CWC27: variants seen among roughly 807,000 people sequenced by gnomAD.
CWC27 encodes the protein spliceosome-associated protein CWC27 homolog.
CWC27 carries 47 observed loss-of-function variants against 63.6 expected under a neutral mutation model. The ratio of observed to expected loss-of-function variants is 0.74; its 90% CI spans 0.58 to 0.94. The LOEUF (loss-of-function observed/expected upper bound fraction) is 0.94, where lower values mean the gene tolerates loss of function less well. Among genes scored for constraint, CWC27 ranks in the 40% least tolerant of loss-of-function variants. The pLI is 0.00. For synonymous variants in CWC27, 175 were observed against 179.8 expected (o/e 0.97, Z 0.22); for missense variants, 495 against 554.3 (o/e 0.89, Z 1.07).
intron 11 of CWC27, among the ~76,000 whole-genome samples, chr5:64,951,035 T>G (rs938960253): frequency 6.6e-6 from 1 of 151,974 alleles, no homozygotes; most frequent in African/African-American, 2.4e-5. Context: ...AATACTTATG[T>G]TACTTTTGTT....
At chr5:64,986,907 C>T (rs996368819) in intron 13 of CWC27, among the ~76,000 whole-genome samples, 1 of 152,038 alleles carries the variant, frequency 6.6e-6, no homozygotes, top group Non-Finnish European at 1.5e-5. Context: ...TGTAATACAT[C>T]TAAAAAAAAT....
intron 11 of CWC27, among the ~76,000 whole-genome samples, chr5:64,914,753 T>G (rs62370963): frequency 0.17 from 25,337 of 152,082 alleles, 2,429 homozygotes; most frequent in East Asian, 0.4. Context: ...TCACTGATTC[T>G]ACCGTTACAT....
intron 13 of CWC27, among the ~76,000 whole-genome samples, chr5:65,009,234 G>A (rs1749902862): frequency 6.6e-6 from 1 of 152,070 alleles, no homozygotes; most frequent in Non-Finnish European, 1.5e-5. Context: ...CTAATAGAGT[G>A]AGAGCTCATT....
At chr5:64,907,766 T>A (rs999727146) in intron 11 of CWC27, among the ~76,000 whole-genome samples, 1 of 152,158 alleles carries the variant, frequency 6.6e-6, no homozygotes, top group African/African-American at 2.4e-5. Flanking sequence ...ATGCTTCCAG[T>A]TTTTGCCCAT....
chr5:64,930,949 A>G (rs1483357644), intron 11 of CWC27, among the ~76,000 whole-genome samples: 1 of 152,134 alleles, frequency 6.6e-6, no homozygotes, highest in Non-Finnish European at 1.5e-5. Context: ...TGTATTCTTC[A>G]ATAATGTCCA....
At chr5:64,998,222 A>G (rs891576218) in intron 13 of CWC27, among the ~76,000 whole-genome samples, 9 of 152,004 alleles carry the variant, frequency 5.9e-5, no homozygotes, top group African/African-American at 2.2e-4. Context: ...AGATAGGGAG[A>G]CAGCCATGTA....
intron 11 of CWC27, among the ~76,000 whole-genome samples, chr5:64,909,554 G>T (rs372828472): frequency 6.6e-6 from 1 of 152,186 alleles, no homozygotes; most frequent in East Asian, 1.9e-4. Flanking sequence ...CCATTCTCCC[G>T]TCACTTTCAG....
intron 11 of CWC27, among the ~76,000 whole-genome samples, chr5:64,895,219 A>T (rs1359669610): frequency 6.6e-6 from 1 of 152,126 alleles, no homozygotes; most frequent in Non-Finnish European, 1.5e-5. Flanking sequence ...ATACAATGTA[A>T]CAGTCTCCTT....
intron 11 of CWC27, among the ~76,000 whole-genome samples, chr5:64,891,313 A>G (rs975927601): frequency 1.3e-5 from 2 of 152,200 alleles, no homozygotes; most frequent in Admixed American, 1.3e-4. Context: ...AAAGTCCTGG[A>G]AAAATAGAGC....
intron 10 of CWC27, among the ~76,000 whole-genome samples, chr5:64,860,063 G>A (rs1746360142): frequency 6.6e-6 from 1 of 152,070 alleles, no homozygotes; most frequent in South Asian, 2.1e-4. Flanking sequence ...TTTAAATTGA[G>A]GAGTCACAGT....
chr5:64,985,114 C>T (rs1021453933), intron 13 of CWC27, among the ~76,000 whole-genome samples: 2 of 152,156 alleles, frequency 1.3e-5, no homozygotes, highest in Non-Finnish European at 2.9e-5. Flanking sequence ...CTTGGACTCT[C>T]TATTCTGTTG....
chr5:64,822,303 T>G lies in CWC27; in HGVS notation c.938+17917T>G, dbSNP rs201102920. Among the ~76,000 whole-genome samples the G allele has an allele frequency of 2.6e-5, 4 of 152,302 alleles. No individual in the cohort carries two copies. In the East Asian group the frequency reaches 7.7e-4, roughly 29 times the overall value. ...CTACAATATCCAAGTGGCATAAAGC[T>G]CTCAGCTGAGCCAGATAGTTAGCTG... On this transcript the variant is annotated intron_variant, in intron 10 of 13. Coordinates refer to ENST00000381070, the MANE Select transcript of CWC27 (RefSeq NM_005869.4).
At chr5:64,808,128 G>A in intron 10 of CWC27, 2 of 1,066,628 alleles carry the variant, frequency 1.9e-6, no homozygotes, top group East Asian at 7.8e-5. Context: ...TATCACTTGG[G>A]AACTTGTTAG....
rs146090471 is a variant in CWC27 at position 64,806,708 on chromosome 5, G to A, written c.938+2322G>A. On this transcript the variant is annotated intron_variant, in intron 10 of 13. Coordinates refer to ENST00000381070, the MANE Select transcript of CWC27 (RefSeq NM_005869.4). ...TGCCAAAATCAGACCCTGGCATGGT[G>A]GCTCATGCCTGTAATCCCAGCTGCT... Among the ~76,000 whole-genome samples, 341 of 152,202 alleles carry A rather than the reference G, an allele frequency of 2.2e-3. 1 individual carries two copies. Among genetic ancestry groups the A allele is most frequent in the African/African-American group, 7.8e-3 (323 of 41,538 alleles).
chr5:64,871,023 T>C (rs1458888436), intron 10 of CWC27, among the ~76,000 whole-genome samples: 2 of 152,134 alleles, frequency 1.3e-5, no homozygotes, highest in African/African-American at 4.8e-5. Context: ...TTAGCAATGA[T>C]ACATTTTGCC....
intron 11 of CWC27, among the ~76,000 whole-genome samples, chr5:64,914,467 C>G (rs1747849164): frequency 6.6e-6 from 1 of 152,014 alleles, no homozygotes; most frequent in South Asian, 2.1e-4. Flanking sequence ...GAAAAACGGG[C>G]AAGAGACTTC....
chr5:64,809,820 G>A (rs1390025266), intron 10 of CWC27, among the ~76,000 whole-genome samples: 1 of 152,066 alleles, frequency 6.6e-6, no homozygotes, highest in African/African-American at 2.4e-5. Context: ...TGTATGATTT[G>A]CGAATATTTT....
At chr5:64,870,042 C>T (rs930107400) in intron 10 of CWC27, among the ~76,000 whole-genome samples, 1 of 152,032 alleles carries the variant, frequency 6.6e-6, no homozygotes, top group African/African-American at 2.4e-5. Flanking sequence ...CTTGTAGTGG[C>T]ATAGTGGCCA....
rs1477469444 is a variant in CWC27 at position 64,956,364 on chromosome 5, C to T, written c.1043-15339C>T. Among the ~76,000 whole-genome samples the T allele has an allele frequency of 2.0e-5, 3 of 151,880 alleles. No homozygotes were observed. In the South Asian group the frequency reaches 6.2e-4, roughly 32 times the overall value. ...GAGTTTTGTCTTATTTTCTTTATTC[C>T]CCATCTTATTTATACATTCTTCATT... On this transcript the variant is annotated intron_variant, in intron 11 of 13. Transcript: ENST00000381070.
Sources: allele counts gnomAD v4.1 joint callset (sites outside exome capture counted in the v4.1 genomes callset), GRCh38; gene constraint gnomAD v4.1.1; transcripts MANE v1.5; gene names NCBI Gene and HGNC (gene_info 2026-07-23, HGNC 2026-07-21).